The following WDR48 variants were observed in gnomAD, a reference collection of about 807,000 sequenced individuals.
The protein encoded by WDR48 is WD repeat domain 48.
WDR48 carries 22 observed loss-of-function variants against 94.0 expected under a neutral mutation model. The observed-to-expected ratio is 0.23, with a 90% CI of 0.17 to 0.33. The LOEUF (loss-of-function observed/expected upper bound fraction) is 0.33, where lower values mean the gene tolerates loss of function less well. Among genes scored for constraint, WDR48 ranks in the 10% least tolerant of loss-of-function variants. The probability of loss-of-function intolerance (pLI) is 1.00; values close to 1 mark genes in which losing one functional copy is unlikely to be tolerated. For missense variants in WDR48, 541 were observed against 813.8 expected (o/e 0.66, Z 4.08); for synonymous variants, 278 against 280.5 (o/e 0.99, Z 0.09).
chr3:39,092,802 T>C (rs1302003094), intron 17 of WDR48, among the ~76,000 whole-genome samples: 1 of 151,948 alleles, frequency 6.6e-6, no homozygotes, highest in Admixed American at 6.6e-5. Context: ...TCAGATAGCT[T>C]CAGTAATTAT....
chr3:39,072,047 T>C (rs975742031), intron 7 of WDR48, among the ~76,000 whole-genome samples: 3 of 152,222 alleles, frequency 2.0e-5, no homozygotes, highest in African/African-American at 7.2e-5. Context: ...GAGCTTGTAA[T>C]ATAGGGTACC....
chr3:39,075,499 C>A (rs2034175693), intron 8 of WDR48, among the ~76,000 whole-genome samples: 3 of 152,038 alleles, frequency 2.0e-5, no homozygotes, highest in African/African-American at 7.2e-5. Flanking sequence ...TACTCCAAAC[C>A]ACCACTGCCT....
intron 11 of WDR48, among the ~76,000 whole-genome samples, chr3:39,082,107 G>T (rs561994331): frequency 6.6e-6 from 1 of 152,050 alleles, no homozygotes; most frequent in South Asian, 2.1e-4. Flanking sequence ...CTAAAATGTC[G>T]GGGGTGCCTA....
chr3:39,065,403 G>T (rs1374258955), intron 2 of WDR48, among the ~76,000 whole-genome samples: 1 of 152,140 alleles, frequency 6.6e-6, no homozygotes, highest in Non-Finnish European at 1.5e-5. Context: ...TGCTGCCCCT[G>T]CTGTCTGCTG....
At position 39,094,883 on chromosome 3, in the gene WDR48, G is replaced by A. The variant is rs982745784; in HGVS notation, c.*140G>A. The A allele has an allele frequency of 9.0e-7, 1 of 1,106,534 alleles. No homozygotes were observed. The highest frequency in any genetic ancestry group is 1.6e-5 in the African/African-American group (1 of 63,838). The allele number at this position is 1,106,534 out of a possible 1,614,324, so 68.5% of individuals were successfully genotyped here. The stretch of plus-strand genomic sequence containing the variant: ...TATGGACCGAGATTATCTTTCAATT[G>A]AAGTGACTAATCGAGATGTAATATA... On this transcript the variant is annotated 3_prime_UTR_variant, in exon 19 of 19. Coordinates refer to ENST00000302313, the MANE Select transcript of WDR48 (RefSeq NM_020839.4).
chr3:39,068,511 A>G (rs2033742761), intron 5 of WDR48, among the ~76,000 whole-genome samples: 1 of 152,204 alleles, frequency 6.6e-6, no homozygotes, highest in South Asian at 2.1e-4. Flanking sequence ...ATAGCTTTAA[A>G]CATATCATTT....
At position 39,093,864 on chromosome 3, in the gene WDR48, T is replaced by C. The variant is rs749932481; in HGVS notation, c.1746-10T>C. The stretch of plus-strand genomic sequence containing the variant: ...CCCTGATGTCACAATATGCCATTGC[T>C]TTTTTACAGAGATAGACTCTCTGCT... On this transcript the variant is annotated splice_polypyrimidine_tract_variant and intron_variant, in intron 17 of 18. Transcript: ENST00000302313. 6.5e-7 allele frequency: 1 copy of C among 1,536,298 alleles called. No individual in the cohort carries two copies. The highest frequency in any genetic ancestry group is 8.7e-7 in the Non-Finnish European group (1 of 1,143,848).
intron 14 of WDR48, among the ~76,000 whole-genome samples, chr3:39,087,502 C>T (rs962602306): frequency 1.4e-4 from 22 of 152,112 alleles, no homozygotes; most frequent in Admixed American, 1.4e-3. Context: ...CCTATAGTTC[C>T]AGCTACTCAG....
intron 11 of WDR48, among the ~76,000 whole-genome samples, chr3:39,080,902 T>C (rs1259495564): frequency 6.6e-6 from 1 of 152,196 alleles, no homozygotes; most frequent in Non-Finnish European, 1.5e-5. Context: ...AGAGTAAATA[T>C]AAGGAAGTAA....
rs769917441 is a variant in WDR48, at chr3:39,084,149, G to A, written c.1174-6G>A. On this transcript the variant is annotated splice_region_variant and splice_polypyrimidine_tract_variant and intron_variant, in intron 11 of 18. Coordinates refer to ENST00000302313, the MANE Select transcript of WDR48 (RefSeq NM_020839.4). The stretch of plus-strand genomic sequence containing the variant: ...ATTGATCATTATACTTTCTTTTGAT[G>A]TATAGGCATGTAAAGTTGAAGATCT... 2.5e-6 allele frequency: 4 copies of A among 1,604,610 alleles called. No individual in the cohort carries two copies. The highest frequency in any genetic ancestry group is 1.1e-5 in the South Asian group (1 of 90,130).
chr3:39,087,941 C>A, intron 14 of WDR48, 187 bp from the exon 15 acceptor site: 1 of 574,904 alleles, frequency 1.7e-6, no homozygotes, highest in Non-Finnish European at 3.1e-6. Flanking sequence ...ATGAAATAGA[C>A]CACAAGTTGC....
intron 17 of WDR48, among the ~76,000 whole-genome samples, chr3:39,092,672 G>T (rs969983779): frequency 6.6e-6 from 1 of 152,030 alleles, no homozygotes; most frequent in Admixed American, 6.5e-5. Flanking sequence ...GTAGTAATGG[G>T]ATGCTAAACT....
rs751691894 is a variant in WDR48 at position 39,074,937 on chromosome 3, C to T, written c.884C>T (p.Ala295Val). The T allele has an allele frequency of 6.8e-6, 11 of 1,614,140 alleles. No homozygotes were observed. Among genetic ancestry groups the T allele is most frequent in the South Asian group, 2.2e-5 (2 of 91,084 alleles). ...CGGGTGCTAATTTGTGAAGAAAAAG[C>T]ACCAGTTCTCAAGGTATGTCATATG... ...DIRVLICEEKAPVLKMELDRS... is the reference protein window; with the variant it reads ...DIRVLICEEKVPVLKMELDRS... The change falls in exon 8 of 19, where the codon GCA (alanine) becomes GTA (valine). Residue 295 changes from alanine (A) to valine (V), a missense_variant. Physicochemically the swap from Ala to Val is moderately conservative, Grantham distance 64. This residue lies in a region of WDR48 where 238 missense variants were observed against 285.3 expected (regional missense o/e 0.83). Transcript: ENST00000302313.
intron 3 of WDR48, among the ~76,000 whole-genome samples, chr3:39,066,190 C>A (rs1459778291): frequency 6.6e-6 from 1 of 152,128 alleles, no homozygotes; most frequent in Non-Finnish European, 1.5e-5. Flanking sequence ...TATATGTATT[C>A]TTCTTTTAGC....
intron 17 of WDR48, among the ~76,000 whole-genome samples, chr3:39,093,183 G>C (rs905714369): frequency 3.3e-5 from 5 of 152,140 alleles, no homozygotes; most frequent in African/African-American, 1.2e-4. Flanking sequence ...TCTGCTCACA[G>C]GTGCTAGCTG....
intron 1 of WDR48, among the ~76,000 whole-genome samples, chr3:39,062,417 G>A (rs2033324508): frequency 6.6e-6 from 1 of 152,212 alleles, no homozygotes; most frequent in African/African-American, 2.4e-5. Context: ...TAACAAAGTA[G>A]GGGAAAATGC....
chr3:39,057,737 C>T (rs2032987798), intron 1 of WDR48, among the ~76,000 whole-genome samples: 1 of 152,198 alleles, frequency 6.6e-6, no homozygotes. Context: ...ATTCTCCTGC[C>T]TCAGCCTCCT....
Position 39,066,522 on chromosome 3 carries a change from GTT to G in WDR48, c.269-24_269-23del, listed in dbSNP as rs773484060. ...AAGTTTTAAGTCATACTACTAAGGA[GTT>G]TGTTAATTCTTTGCTTCTTCTAGTA... is the stretch of plus-strand genomic sequence containing the variant. On this transcript the variant is annotated intron_variant, in intron 3 of 18. Transcript: ENST00000302313. The G allele has an allele frequency of 4.4e-6, 7 of 1,601,906 alleles. No individual in the cohort carries two copies. In the African/African-American group the frequency reaches 8.0e-5, roughly 18 times the overall value.
At chr3:39,092,640 C>T (rs1322060559) in intron 17 of WDR48, among the ~76,000 whole-genome samples, 2 of 151,760 alleles carry the variant, frequency 1.3e-5, no homozygotes, top group African/African-American at 4.8e-5. Flanking sequence ...CCAGGGAGAC[C>T]CAAGAGAAGA....
Sources: allele counts gnomAD v4.1 joint callset (sites outside exome capture counted in the v4.1 genomes callset), GRCh38; gene constraint gnomAD v4.1.1; regional missense constraint gnomAD v4.1.1; transcripts MANE v1.5; gene names NCBI Gene and HGNC (gene_info 2026-07-23, HGNC 2026-07-21).